Variants in EPM2A observed in about 807,000 individuals in gnomAD.
EPM2A encodes the protein laforin.
EPM2A carries 21 observed loss-of-function variants against 26.5 expected under a neutral mutation model. That is an observed-to-expected ratio of 0.79 (90% confidence interval 0.56 to 1.14). The LOEUF is 1.14. Among genes scored for constraint, EPM2A ranks in the 50% most tolerant of loss-of-function variants. The pLI is 0.00. For synonymous variants in EPM2A, 217 were observed against 177.6 expected, an observed-to-expected ratio of 1.22 and a Z score of -1.76; for missense variants, 458 against 440.8, an observed-to-expected ratio of 1.04 and a Z score of -0.35.
chr6:145,615,063 G>A (rs780595751), intron 2 of EPM2A, among the ~76,000 whole-genome samples: 1 of 152,058 alleles, frequency 6.6e-6, no homozygotes, highest in Non-Finnish European at 1.5e-5. Flanking sequence ...TATGGCCATC[G>A]GTATTAGCCC....
chr6:145,720,237 T>C (rs1775881494), intron 1 of EPM2A, among the ~76,000 whole-genome samples: 1 of 152,170 alleles, frequency 6.6e-6, no homozygotes, highest in Non-Finnish European at 1.5e-5. Context: ...AAGAACTTTT[T>C]AAATAAGTAT....
chr6:145,647,561 A>G (rs1478816737), intron 2 of EPM2A, among the ~76,000 whole-genome samples: 1 of 152,168 alleles, frequency 6.6e-6, no homozygotes, highest in Non-Finnish European at 1.5e-5. Context: ...TAAGCATTTC[A>G]TCGTCTGTAT....
intron 2 of EPM2A, among the ~76,000 whole-genome samples, chr6:145,672,003 T>C (rs1779677455): frequency 6.6e-6 from 1 of 152,206 alleles, no homozygotes; most frequent in African/African-American, 2.4e-5. Context: ...AAGTTAGTTA[T>C]ATGTGTCCTT....
chr6:145,403,186 C>T (rs982722814), intron 4 of EPM2A, among the ~76,000 whole-genome samples: 14 of 152,220 alleles, frequency 9.2e-5, no homozygotes, highest in Admixed American at 8.5e-4. Context: ...CAAATAATCA[C>T]ATCATGGAGA....
At chr6:145,526,538 G>A (rs559370758) in intron 2 of EPM2A, among the ~76,000 whole-genome samples, 8 of 152,024 alleles carry the variant, frequency 5.3e-5, no homozygotes, top group African/African-American at 1.9e-4. Flanking sequence ...GTCTGTTTCT[G>A]GGAATTTGCC....
intron 2 of EPM2A, among the ~76,000 whole-genome samples, chr6:145,668,353 T>A (rs1254845508): frequency 6.6e-6 from 1 of 152,056 alleles, no homozygotes; most frequent in Non-Finnish European, 1.5e-5. Flanking sequence ...ACAAGGCAAA[T>A]GACTGAATAA....
chr6:145,615,759 C>T (rs1278834809), intron 2 of EPM2A, among the ~76,000 whole-genome samples: 1 of 151,930 alleles, frequency 6.6e-6, no homozygotes, highest in Non-Finnish European at 1.5e-5. Context: ...GTGACTCTTG[C>T]TATGTTTTAG....
chr6:145,671,909 T>C (rs1779673945), intron 2 of EPM2A, among the ~76,000 whole-genome samples: 1 of 152,168 alleles, frequency 6.6e-6, no homozygotes, highest in African/African-American at 2.4e-5. Context: ...TAAAATCTAA[T>C]TTATGCCTCT....
intron 2 of EPM2A, chr6:145,639,897 C>CTAT (rs1285258865): frequency 6.6e-6 from 1 of 152,122 alleles, no homozygotes; most frequent in African/African-American, 2.4e-5. Context: ...TTCTGCTGTG[C>CTAT]TATAATCAGA....
chr6:145,731,916 G>A (rs1361058534), intron 1 of EPM2A, among the ~76,000 whole-genome samples: 2 of 152,096 alleles, frequency 1.3e-5, no homozygotes, highest in Non-Finnish European at 2.9e-5. Flanking sequence ...ATCAGCCACA[G>A]CTGATAATTA....
Position 145,646,519 on chromosome 6 carries a change from G to T in EPM2A, c.477-11033C>A, listed in dbSNP as rs75643666. ...TCTCTATTGAAAATTCCATCACTAG[G>T]TGATTGCATGTATCCTACTGATCAC... On this transcript the variant is annotated intron_variant, in intron 2 of 3. Coordinates refer to ENST00000367519, the MANE Select transcript of EPM2A (RefSeq NM_005670.4). Among the ~76,000 whole-genome samples the T allele has an allele frequency of 6.4e-4, 97 of 151,954 alleles. 1 individual carries two copies. The East Asian group carries it at 8.0e-3, about 12-fold the overall frequency.
chr6:145,499,749 T>C (rs984018585), downstream of EPM2A, among the ~76,000 whole-genome samples: 6 of 152,214 alleles, frequency 3.9e-5, no homozygotes, highest in Non-Finnish European at 8.8e-5. Flanking sequence ...AAAGATCAAA[T>C]AATACTCCAC....
At chr6:145,439,111 G>T (rs1171327654) in intron 4 of EPM2A, among the ~76,000 whole-genome samples, 1 of 151,198 alleles carries the variant, frequency 6.6e-6, no homozygotes, top group Non-Finnish European at 1.5e-5. Context: ...ATGGCTTCCA[G>T]TTCCATCCAT....
At chr6:145,697,141 C>T (rs960050664) in intron 1 of EPM2A, among the ~76,000 whole-genome samples, 6 of 152,056 alleles carry the variant, frequency 3.9e-5, no homozygotes, top group African/African-American at 1.2e-4. Flanking sequence ...TCTATTTTCC[C>T]TAAGTGTCAG....
At chr6:145,543,390 A>T (rs6570689) in intron 2 of EPM2A, among the ~76,000 whole-genome samples, 6,215 of 152,196 alleles carry the variant, frequency 0.041, 427 homozygotes, top group African/African-American at 0.14. Context: ...AGAATGGAGA[A>T]CATAGCCTCT....
intron 4 of EPM2A, among the ~76,000 whole-genome samples, chr6:145,482,627 C>T (rs1779624045): frequency 6.6e-6 from 1 of 152,020 alleles, no homozygotes; most frequent in Non-Finnish European, 1.5e-5. Context: ...GCATGAAAAC[C>T]TCACATGCGC....
intron 4 of EPM2A, among the ~76,000 whole-genome samples, chr6:145,478,326 C>T (rs919591387): frequency 6.6e-6 from 1 of 151,846 alleles, no homozygotes; most frequent in African/African-American, 2.4e-5. Context: ...TGGGAAGAAT[C>T]AATATTGTTA....
chr6:145,547,885 A>G (rs1372748350), intron 2 of EPM2A, among the ~76,000 whole-genome samples: 1 of 152,064 alleles, frequency 6.6e-6, no homozygotes. Context: ...TTTTTCCTAC[A>G]TTATTTGATT....
intron 2 of EPM2A, among the ~76,000 whole-genome samples, chr6:145,575,848 T>A (rs185319714): frequency 1.3e-5 from 2 of 152,304 alleles, no homozygotes; most frequent in Non-Finnish European, 2.9e-5. Flanking sequence ...AAGAACTCCA[T>A]TCTTAATATT....
Sources: allele counts gnomAD v4.1 joint callset (sites outside exome capture counted in the v4.1 genomes callset), GRCh38; gene constraint gnomAD v4.1.1; transcripts MANE v1.5; gene names NCBI Gene and HGNC (gene_info 2026-07-23, HGNC 2026-07-21).